Variants in FBN2 observed in about 807,000 individuals in gnomAD.
FBN2 encodes fibrillin-2.
Under a neutral mutation model 355.6 loss-of-function variants are expected in FBN2, and 105 were observed. That is an observed-to-expected ratio of 0.30 (90% CI 0.25 to 0.35). The LOEUF (loss-of-function observed/expected upper bound fraction) is 0.35. Among genes scored for constraint, FBN2 ranks in the 10% least tolerant of loss-of-function variants. The probability of loss-of-function intolerance (pLI) is 1.00; values close to 1 mark genes in which losing one functional copy is unlikely to be tolerated. For missense variants in FBN2, 3,280 were observed against 3,758.7 expected (o/e 0.87, Z 3.33); for synonymous variants, 1,350 against 1,301.2 (o/e 1.04, Z -0.81).
At chr5:128,450,896 T>G (rs1320833530) in intron 6 of FBN2, among the ~76,000 whole-genome samples, 2 of 152,108 alleles carry the variant, frequency 1.3e-5, no homozygotes, top group African/African-American at 4.8e-5. Flanking sequence ...ACATATCTCA[T>G]TGCAACAAAT....
intron 7 of FBN2, among the ~76,000 whole-genome samples, chr5:128,410,401 G>T (rs1189619554): frequency 6.6e-6 from 1 of 151,960 alleles, no homozygotes. Context: ...AAGAGAAAAA[G>T]AAAAGAAAGA....
intron 6 of FBN2, among the ~76,000 whole-genome samples, chr5:128,453,234 C>T (rs899782708): frequency 6.6e-6 from 1 of 152,186 alleles, no homozygotes; most frequent in African/African-American, 2.4e-5. Context: ...GGTTCTATCT[C>T]GATCTTATCT....
chr5:128,327,168 T>A (rs762194358), intron 34 of FBN2, among the ~76,000 whole-genome samples: 43 of 152,216 alleles, frequency 2.8e-4, no homozygotes, highest in African/African-American at 8.9e-4. Flanking sequence ...TACAGTTGCC[T>A]TATATAAAAT....
chr5:128,442,639 A>G (rs1162585005), intron 7 of FBN2, among the ~76,000 whole-genome samples: 3 of 152,210 alleles, frequency 2.0e-5, no homozygotes, highest in African/African-American at 4.8e-5. Context: ...AAACTGGCAC[A>G]GCAGAAATAA....
intron 20 of FBN2, among the ~76,000 whole-genome samples, chr5:128,354,920 C>T (rs961733105): frequency 3.9e-5 from 6 of 152,070 alleles, no homozygotes; most frequent in Non-Finnish European, 8.8e-5. Flanking sequence ...AGGTTGAGGC[C>T]TAGAATTTCA....
At chr5:128,449,423 TA>T (rs577837840) in intron 6 of FBN2, among the ~76,000 whole-genome samples, 1 of 138,096 alleles carries the variant, frequency 7.2e-6, no homozygotes, top group Admixed American at 7.2e-5. Context: ...GTATACTATA[TA>T]ATAGTATACT....
chr5:128,288,500 A>G lies in FBN2; in HGVS notation c.6695T>C (p.Ile2232Thr). The G allele has an allele frequency of 1.9e-6, 3 of 1,613,994 alleles. No individual in the cohort carries two copies. Among genetic ancestry groups the G allele is most frequent in the East Asian group, 2.2e-5 (1 of 44,868 alleles). The part of the protein sequence containing the change: ...PCGNGTCTNV[I>T]GSFECNCNEG... ...ATTGCAATTGCATTCAAAACTCCCA[A>G]TAACATTGGTGCATGTACCATTTCC... The change falls in exon 53 of 65, where the codon ATT becomes ACT. Residue 2232 changes from isoleucine (I) to threonine (T), a missense_variant. By Grantham distance (89) the Ile-to-Thr change is moderately conservative (BLOSUM62 -1). Transcript: ENST00000262464.
chr5:128,266,069 T>C (rs1033020190), intron 62 of FBN2, among the ~76,000 whole-genome samples: 2 of 152,268 alleles, frequency 1.3e-5, no homozygotes, highest in Non-Finnish European at 2.9e-5. Flanking sequence ...ATTCTTTTGC[T>C]AACTTGTTGC....
rs1454142604 is a variant in FBN2 at position 128,357,546 on chromosome 5, G to A, written c.2555-151C>T. ...TGAAGCATAAAGTGAATGGGGAATG[G>A]AGACATGCATTTTACATCGTGGATA... On this transcript the variant is annotated intron_variant, in intron 19 of 64. Coordinates refer to ENST00000262464, the MANE Select transcript of FBN2 (RefSeq NM_001999.4). The A allele has an allele frequency of 6.5e-6, 6 of 917,780 alleles. No homozygotes were observed. In the East Asian group the frequency reaches 1.6e-4, roughly 24 times the overall value. The allele number at this position is 917,780 out of a possible 1,614,324, so 56.9% of individuals were successfully genotyped here.
rs781352686 is a variant in FBN2 at position 128,349,402 on chromosome 5, A to T, written c.2934T>A (p.Phe978Leu). The change falls in exon 23 of 65, where the codon TTT becomes TTA. Residue 978 changes from phenylalanine (F) to leucine (L), a missense_variant. Phe to Leu is a conservative substitution (Grantham distance 22). Around this residue, in one of 6 missense-constraint regions of FBN2, gnomAD observed 2,284 missense variants for 2,749.5 expected, o/e 0.83. Coordinates refer to ENST00000262464, the MANE Select transcript of FBN2 (RefSeq NM_001999.4). ...NGRCVNSKGS[F>L]HCECPEGLTL... Reference sequence around the variant, plus strand: ...TAAGGCCTTCAGGGCACTCGCAATGAAAAGATCCCTTACTGTTGACACAGC... The same window carrying T: ...TAAGGCCTTCAGGGCACTCGCAATGTAAAGATCCCTTACTGTTGACACAGC... The T allele has an allele frequency of 1.2e-6, 2 of 1,614,168 alleles. No individual in the cohort carries two copies. Among genetic ancestry groups the T allele is most frequent in the Admixed American group, 1.7e-5 (1 of 60,022 alleles).
chr5:128,308,395 C>T lies in FBN2; in HGVS notation c.5353+852G>A, dbSNP rs116237162. On this transcript the variant is annotated intron_variant, in intron 41 of 64. Transcript: ENST00000262464. ...ATCCATTTGACCAGTGAATTGGAGC[C>T]ACTGAAAAAGGCCTATGTGTTGCTT... 2.7e-3 allele frequency among the ~76,000 whole-genome samples: 404 copies of T among 152,182 alleles called. 1 individual carries two copies. Among genetic ancestry groups the T allele is most frequent in the African/African-American group, 9.4e-3 (391 of 41,536 alleles).
chr5:128,532,977 C>T (rs751692599), intron 2 of FBN2, among the ~76,000 whole-genome samples: 1 of 152,132 alleles, frequency 6.6e-6, no homozygotes, highest in Non-Finnish European at 1.5e-5. Context: ...GAGGTCAAGG[C>T]TGCAGTGAGC....
At chr5:128,390,808 CTT>C (rs1181927872) in intron 11 of FBN2, among the ~76,000 whole-genome samples, 1 of 152,168 alleles carries the variant, frequency 6.6e-6, no homozygotes, top group African/African-American at 2.4e-5. Flanking sequence ...GAGCCTGTCA[CTT>C]TAAGAAAAGG....
At chr5:128,284,844 A>G (rs1749100016) in intron 55 of FBN2, among the ~76,000 whole-genome samples, 1 of 152,080 alleles carries the variant, frequency 6.6e-6, no homozygotes, top group Admixed American at 6.6e-5. Flanking sequence ...GCATCTACCT[A>G]TTTTCACACT....
At chr5:128,375,539 A>G (rs1427115273) in intron 14 of FBN2, among the ~76,000 whole-genome samples, 1 of 152,120 alleles carries the variant, frequency 6.6e-6, no homozygotes, top group East Asian at 1.9e-4. Flanking sequence ...CTTCTTGGAG[A>G]GTCAAAAATT....
chr5:128,358,869 T>G (rs577060873), intron 19 of FBN2, among the ~76,000 whole-genome samples: 1 of 152,156 alleles, frequency 6.6e-6, no homozygotes, highest in African/African-American at 2.4e-5. Flanking sequence ...ATTAAGCAAT[T>G]ATGAATTCAG....
At chr5:128,368,794 C>T (rs1267235478) in intron 16 of FBN2, among the ~76,000 whole-genome samples, 1 of 151,844 alleles carries the variant, frequency 6.6e-6, no homozygotes, top group Non-Finnish European at 1.5e-5. Flanking sequence ...CCTCAGCCCC[C>T]CTAGTAGCTG....
intron 46 of FBN2, among the ~76,000 whole-genome samples, chr5:128,302,287 T>C (rs1749740542): frequency 6.6e-6 from 1 of 152,202 alleles, no homozygotes; most frequent in South Asian, 2.1e-4. Flanking sequence ...ATGCTGTAAA[T>C]TACCCATGCA....
intron 5 of FBN2, among the ~76,000 whole-genome samples, chr5:128,492,803 CAAAAAAAAAAAAAAAAAAAA>C (rs578258680): frequency 2.3e-5 from 1 of 43,776 alleles, no homozygotes; most frequent in South Asian, 9.4e-4. Flanking sequence ...AACTCCATCT[CAAAAAAAAAAAAAAAAAAAA>C]AAAAAAGGGA....
Sources: allele counts gnomAD v4.1 joint callset (sites outside exome capture counted in the v4.1 genomes callset), GRCh38; gene constraint gnomAD v4.1.1; regional missense constraint gnomAD v4.1.1; transcripts MANE v1.5; gene names NCBI Gene and HGNC (gene_info 2026-07-23, HGNC 2026-07-21).